Variants in WLS observed in about 807,000 individuals in gnomAD.
WLS encodes the protein protein wntless homolog.
WLS carries 23 observed loss-of-function variants against 62.8 expected under a neutral mutation model. The observed-to-expected ratio is 0.37, with a 90% confidence interval of 0.26 to 0.52. The LOEUF is 0.52. Ranked by LOEUF, WLS falls within the 20% of genes least tolerant of loss-of-function variation. The pLI is 0.92. For missense variants in WLS, 615 were observed against 697.3 expected (o/e 0.88, Z 1.33); for synonymous variants, 246 against 244.1 (o/e 1.01, Z -0.07).
chr1:68,193,454 C>CCTGGT (rs1280581888), intron 2 of WLS, among the ~76,000 whole-genome samples: 10 of 92,394 alleles, frequency 1.1e-4, no homozygotes, highest in African/African-American at 4.6e-4. Context: ...GAAAAAAAAA[C>CCTGGT]CTGGTTTGGT....
chr1:68,231,393 G>A (rs545717861), intron 1 of WLS, among the ~76,000 whole-genome samples: 2 of 152,254 alleles, frequency 1.3e-5, no homozygotes, highest in Admixed American at 1.3e-4. Flanking sequence ...AAAGAGGACG[G>A]GGACATTCAC....
At chr1:68,144,363 C>A (rs1195659671) in intron 10 of WLS, among the ~76,000 whole-genome samples, 15 of 152,116 alleles carry the variant, frequency 9.9e-5, no homozygotes, top group Admixed American at 5.2e-4. Flanking sequence ...TATTTGGAAA[C>A]TTTTATCTCC....
At chr1:68,160,071 C>CTTTTTTTTT (rs58448910) in intron 2 of WLS, among the ~76,000 whole-genome samples, 3 of 93,572 alleles carry the variant, frequency 3.2e-5, no homozygotes, top group African/African-American at 7.5e-5. Context: ...GCAGAGAAGT[C>CTTTTTTTTT]TTTTTTTTTT....
In WLS at chr1:68,126,399, C is replaced by T. The variant is rs1646432133; in HGVS notation, c.1517-64G>A. On this transcript the variant is annotated intron_variant, in intron 11 of 11. Coordinates refer to ENST00000262348, the MANE Select transcript of WLS (RefSeq NM_024911.7). ...GAAGGAGAAGCAAGCTGGGGTTCAT[C>T]TCATGGACAACTGCCCTGATGCTAG... The T allele has an allele frequency of 1.6e-5, 25 of 1,599,186 alleles. No individual in the cohort carries two copies. In the South Asian group the frequency reaches 2.5e-4, roughly 16 times the overall value.
intron 8 of WLS, among the ~76,000 whole-genome samples, chr1:68,147,647 G>A (rs757889453): frequency 1.3e-5 from 2 of 152,190 alleles, no homozygotes; most frequent in Non-Finnish European, 2.9e-5. Flanking sequence ...AAGCCTTGGC[G>A]ACTTCTCTGG....
intron 2 of WLS, among the ~76,000 whole-genome samples, chr1:68,168,910 G>A (rs79441491): frequency 0.077 from 11,787 of 152,256 alleles, 499 homozygotes; most frequent in Admixed American, 0.1. Context: ...CTTATACATG[G>A]TTAGGTCTGG....
At chr1:68,141,362 C>T (rs936262654) in intron 10 of WLS, 3 of 152,224 alleles carry the variant, frequency 2.0e-5, no homozygotes, top group Non-Finnish European at 4.4e-5. Context: ...ACCTTCTCCC[C>T]TGCACTGCAC....
chr1:68,110,224 T>A (rs373395038), intron 11 of WLS, among the ~76,000 whole-genome samples: 1 of 151,900 alleles, frequency 6.6e-6, no homozygotes, highest in South Asian at 2.1e-4. Flanking sequence ...TTTTAAAAAA[T>A]TTAATTTAAA....
At chr1:68,204,870 T>C (rs190659932) in intron 1 of WLS, among the ~76,000 whole-genome samples, 83 of 152,320 alleles carry the variant, frequency 5.4e-4, no homozygotes, top group African/African-American at 1.8e-3. Flanking sequence ...GCATCACTTC[T>C]GAACCCTACA....
chr1:68,174,560 AC>A (rs1481055127), intron 2 of WLS, among the ~76,000 whole-genome samples: 1 of 152,050 alleles, frequency 6.6e-6, no homozygotes, highest in Non-Finnish European at 1.5e-5. Flanking sequence ...GAAAACCATG[AC>A]CCTTGGTGGA....
At chr1:68,189,401 G>C (rs1010444452) in intron 2 of WLS, among the ~76,000 whole-genome samples, 10 of 152,302 alleles carry the variant, frequency 6.6e-5, no homozygotes, top group African/African-American at 2.4e-4. Flanking sequence ...ATTGTGAACA[G>C]TATATTTTTT....
exon 12 of WLS, chr1:68,098,748 G>T: frequency 6.2e-7 from 1 of 1,613,350 alleles, no homozygotes; most frequent in Non-Finnish European, 8.5e-7. Flanking sequence ...CATGGGAGTT[G>T]CATTCCTGGA....
chr1:68,177,585 C>G (rs59795853), intron 2 of WLS, among the ~76,000 whole-genome samples: 11,884 of 152,194 alleles, frequency 0.078, 504 homozygotes, highest in Admixed American at 0.1. Flanking sequence ...GCGCAACCTT[C>G]TGGGCCCAAG....
intron 1 of WLS, among the ~76,000 whole-genome samples, chr1:68,227,284 A>G (rs1330583777): frequency 6.6e-6 from 1 of 151,844 alleles, no homozygotes; most frequent in Non-Finnish European, 1.5e-5. Flanking sequence ...TGGGCGTGGT[A>G]GCAGGTGCCT....
intron 5 of WLS, among the ~76,000 whole-genome samples, chr1:68,153,178 G>A (rs1486576861): frequency 1.3e-5 from 2 of 152,110 alleles, no homozygotes; most frequent in Non-Finnish European, 1.5e-5. Flanking sequence ...GGAGGCTGAG[G>A]TGGGATGACC....
intron 2 of WLS, among the ~76,000 whole-genome samples, chr1:68,177,078 ATGC>A (rs1647290075): frequency 6.6e-6 from 1 of 152,194 alleles, no homozygotes; most frequent in Non-Finnish European, 1.5e-5. Context: ...TTTAATTTAC[ATGC>A]TGCTATGTTT....
At chr1:68,143,067 C>G (rs989321926) in intron 10 of WLS, among the ~76,000 whole-genome samples, 1 of 152,050 alleles carries the variant, frequency 6.6e-6, no homozygotes, top group East Asian at 1.9e-4. Context: ...ATATATATTA[C>G]ATATAATATA....
chr1:68,152,262 G>T (rs1646836575), intron 5 of WLS, among the ~76,000 whole-genome samples: 1 of 152,190 alleles, frequency 6.6e-6, no homozygotes, highest in Non-Finnish European at 1.5e-5. Flanking sequence ...GTTGGGAGAG[G>T]CTGAGGCTAA....
At chr1:68,164,423 T>A (rs1345899808) in intron 2 of WLS, among the ~76,000 whole-genome samples, 1 of 152,100 alleles carries the variant, frequency 6.6e-6, no homozygotes, top group East Asian at 1.9e-4. Context: ...CATGCCTGGC[T>A]AATTTTGTAT....
Sources: allele counts gnomAD v4.1 joint callset (sites outside exome capture counted in the v4.1 genomes callset), GRCh38; gene constraint gnomAD v4.1.1; transcripts MANE v1.5; gene names NCBI Gene and HGNC (gene_info 2026-07-23, HGNC 2026-07-21).